Variants in PTPRD observed in about 807,000 individuals in gnomAD.
PTPRD encodes the protein protein tyrosine phosphatase receptor type D.
PTPRD carries 34 observed loss-of-function variants against 214.5 expected under a neutral mutation model. That is an observed-to-expected ratio of 0.16 (90% CI 0.12 to 0.21). The LOEUF (loss-of-function observed/expected upper bound fraction) is 0.21. PTPRD is among the 10% of genes least tolerant of loss of function. The pLI, the probability that PTPRD is intolerant of heterozygous loss-of-function variation, is 1.00. For synonymous variants in PTPRD, 1,128 were observed against 845.7 expected (o/e 1.33, Z -5.79); for missense variants, 2,545 against 2,398.7 (o/e 1.06, Z -1.27).
At chr9:8,419,843 G>C (rs1158604163) in intron 35 of PTPRD, among the ~76,000 whole-genome samples, 1 of 151,978 alleles carries the variant, frequency 6.6e-6, no homozygotes, top group Non-Finnish European at 1.5e-5. Flanking sequence ...ATATGAGAAA[G>C]AGAAACATGA....
In PTPRD at chr9:10,501,134, T is replaced by C. The variant is rs556111296; in HGVS notation, c.-600+111264A>G. ...CTTCCAAATTGTTCTTCTTAGTGGT[T>C]GTACTAATTTACATTCCCACCAACA... On this transcript the variant is annotated intron_variant, in intron 2 of 45. Transcript: ENST00000381196. 4.6e-5 allele frequency among the ~76,000 whole-genome samples: 7 copies of C among 152,120 alleles called. No individual in the cohort carries two copies. In the South Asian group the frequency reaches 1.4e-3, roughly 32 times the overall value.
intron 11 of PTPRD, among the ~76,000 whole-genome samples, chr9:8,805,750 T>A (rs1485872655): frequency 6.6e-6 from 1 of 150,770 alleles, no homozygotes; most frequent in East Asian, 2.0e-4. Flanking sequence ...AATTCCAGCA[T>A]TTTGGGGCAC....
intron 8 of PTPRD, among the ~76,000 whole-genome samples, chr9:9,562,524 C>T (rs1377829075): frequency 2.0e-5 from 3 of 152,242 alleles, no homozygotes; most frequent in African/African-American, 7.2e-5. Flanking sequence ...CCTGACCTGC[C>T]TTCAACCCCA....
At chr9:9,939,770 G>C (rs1478108029) in intron 4 of PTPRD, among the ~76,000 whole-genome samples, 1 of 152,076 alleles carries the variant, frequency 6.6e-6, no homozygotes, top group African/African-American at 2.4e-5. Context: ...TACTCATTTA[G>C]CTTAAGAGTT....
intron 10 of PTPRD, among the ~76,000 whole-genome samples, chr9:9,022,728 G>A (rs2099574086): frequency 6.6e-6 from 1 of 152,172 alleles, no homozygotes; most frequent in Admixed American, 6.6e-5. Context: ...TGCAGAACTT[G>A]AACACTTTTT....
Position 8,921,500 on chromosome 9 carries a change from T to G in PTPRD, c.-104+97197A>C, listed in dbSNP as rs183275577. ...TTTTTTCAAAAGTTTTCGCATTTTT[T>G]TTTTCTTTTTTGAGACAGAGTCTCA... is the stretch of plus-strand genomic sequence containing the variant. On this transcript the variant is annotated intron_variant, in intron 11 of 45. Coordinates refer to ENST00000381196, the MANE Select transcript of PTPRD (RefSeq NM_002839.4). Among the ~76,000 whole-genome samples the G allele has an allele frequency of 1.1e-3, 160 of 152,016 alleles. 1 individual carries two copies. The highest frequency in any genetic ancestry group is 3.6e-3 in the African/African-American group (150 of 41,432).
At chr9:8,566,218 A>T (rs746042550) in intron 14 of PTPRD, among the ~76,000 whole-genome samples, 8 of 150,514 alleles carry the variant, frequency 5.3e-5, no homozygotes, top group Non-Finnish European at 1.0e-4. Flanking sequence ...GAAACATATG[A>T]AGAGGGGTGT....
In PTPRD at chr9:8,465,628, T is replaced by C. The variant is rs1327963090; in HGVS notation, c.3552A>G (p.Arg1184=). The C allele has an allele frequency of 6.2e-7, 1 of 1,612,192 alleles. No homozygotes were observed. Among genetic ancestry groups the C allele is most frequent in the Non-Finnish European group, 8.5e-7 (1 of 1,178,872 alleles). Residue 1184 remains arginine, a synonymous_variant, in exon 32 of 46, where the codon AGA becomes AGG. Coordinates refer to ENST00000381196, the MANE Select transcript of PTPRD (RefSeq NM_002839.4). ...CAATATATGGCTTTAATTCAACTTC[T>C]CTCCCATAACGGATGCTTCTGCGCT... ...SRKRRSIRYG[R]EVELKPYIAA...
chr9:9,275,083 A>T (rs1421929238), intron 9 of PTPRD, among the ~76,000 whole-genome samples: 55 of 71,528 alleles, frequency 7.7e-4, no homozygotes, highest in African/African-American at 2.6e-3. Flanking sequence ...TATATATATA[A>T]TATATATGTT....
chr9:9,951,070 G>A (rs533171910), intron 4 of PTPRD, among the ~76,000 whole-genome samples: 4 of 152,230 alleles, frequency 2.6e-5, no homozygotes, highest in South Asian at 2.1e-4. Context: ...ATGTAAATGC[G>A]TCATAAGTAC....
intron 14 of PTPRD, among the ~76,000 whole-genome samples, chr9:8,597,933 G>T (rs1480131677): frequency 1.3e-5 from 2 of 151,976 alleles, no homozygotes; most frequent in Admixed American, 6.6e-5. Flanking sequence ...AGACACAAAG[G>T]ACTCATCATC....
chr9:8,706,824 T>C (rs962359902), intron 12 of PTPRD, among the ~76,000 whole-genome samples: 19 of 152,176 alleles, frequency 1.2e-4, no homozygotes, highest in African/African-American at 4.6e-4. Flanking sequence ...CAGGTTGGGA[T>C]TGCTTCCTGA....
chr9:8,474,583 G>A (rs1286347908), intron 30 of PTPRD, among the ~76,000 whole-genome samples: 8 of 152,074 alleles, frequency 5.3e-5, no homozygotes, highest in Non-Finnish European at 1.2e-4. Flanking sequence ...CCTTCAACAC[G>A]GCCTGGCAAT....
chr9:9,489,291 C>T (rs910972588), intron 8 of PTPRD, among the ~76,000 whole-genome samples: 8 of 152,206 alleles, frequency 5.3e-5, no homozygotes, highest in South Asian at 2.1e-4. Context: ...AAATAGCAGA[C>T]GCTGTGGAAA....
At chr9:8,885,604 C>T (rs548351015) in intron 11 of PTPRD, among the ~76,000 whole-genome samples, 1 of 146,536 alleles carries the variant, frequency 6.8e-6, no homozygotes, top group Non-Finnish European at 1.5e-5. Flanking sequence ...TCAAGCAATT[C>T]TCATGCCTCA....
intron 7 of PTPRD, among the ~76,000 whole-genome samples, chr9:9,605,312 C>T (rs2094079356): frequency 6.6e-6 from 1 of 151,998 alleles, no homozygotes; most frequent in African/African-American, 2.4e-5. Flanking sequence ...ATGTGGTCCA[C>T]TTTTAAAATT....
At position 9,190,649 on chromosome 9, in the gene PTPRD, G is replaced by C. The variant is rs2099934573; in HGVS notation, c.-202-7286C>G. ...AGCCCTAGGAGGACACTAATACCTTGACATTAAACATCCTAGCCCTGAGAA... is the reference window on the plus strand; with the variant it reads ...AGCCCTAGGAGGACACTAATACCTTCACATTAAACATCCTAGCCCTGAGAA... On this transcript the variant is annotated intron_variant, in intron 9 of 45. Transcript: ENST00000381196. Among the ~76,000 whole-genome samples, 3 of 152,112 alleles carry C rather than the reference G, an allele frequency of 2.0e-5. No individual in the cohort carries two copies. The South Asian group carries it at 6.2e-4, about 32-fold the overall frequency.
At chr9:8,375,906 C>T in intron 39 of PTPRD, 30 bp downstream of exon 39, 3 of 1,593,688 alleles carry the variant, frequency 1.9e-6, no homozygotes, top group Non-Finnish European at 1.7e-6. Flanking sequence ...CTTTCTGTTT[C>T]CTGACTGCAA....
chr9:9,401,080 G>A (rs978106270), intron 8 of PTPRD, among the ~76,000 whole-genome samples: 2 of 151,858 alleles, frequency 1.3e-5, no homozygotes, highest in African/African-American at 2.4e-5. Context: ...TCTGTACTAG[G>A]CAGGTGGTAG....
Sources: allele counts gnomAD v4.1 joint callset (sites outside exome capture counted in the v4.1 genomes callset), GRCh38; gene constraint gnomAD v4.1.1; transcripts MANE v1.5; gene names NCBI Gene and HGNC (gene_info 2026-07-23, HGNC 2026-07-21).